The following GNG7 variants were observed in gnomAD, a reference collection of about 807,000 sequenced individuals.
The protein encoded by GNG7 is G protein subunit gamma 7, also known as guanine nucleotide-binding protein G(I)/G(S)/G(O) subunit gamma-7.
A neutral mutation model predicts 4.0 loss-of-function variants in GNG7; 1 was observed. The observed-to-expected ratio is 0.25, with a 90% CI of 0.09 to 1.18. The LOEUF is 1.18. GNG7 is among the 50% of genes most tolerant of loss of function. The pLI is 0.50. For missense variants in GNG7, 86 were observed against 91.9 expected, an observed-to-expected ratio of 0.94 and a Z score of 0.26; for synonymous variants, 34 against 36.9, an observed-to-expected ratio of 0.92 and a Z score of 0.29.
intron 3 of GNG7, among the ~76,000 whole-genome samples, chr19:2,541,706 C>T (rs1401760308): frequency 2.7e-5 from 4 of 150,858 alleles, no homozygotes; most frequent in Non-Finnish European, 5.9e-5. Context: ...CACGCCACTG[C>T]ACTCTAGCCT....
At chr19:2,692,725 C>T (rs1470761265) in intron 1 of GNG7, among the ~76,000 whole-genome samples, 1 of 151,680 alleles carries the variant, frequency 6.6e-6, no homozygotes, top group Non-Finnish European at 1.5e-5. Flanking sequence ...GTGGCTCACA[C>T]CTGTAATTCT....
chr19:2,519,955 G>A (rs928183701), intron 4 of GNG7, among the ~76,000 whole-genome samples: 4 of 152,200 alleles, frequency 2.6e-5, no homozygotes, highest in East Asian at 3.9e-4. Flanking sequence ...CGAGGCAGGC[G>A]GATCACCTGA....
chr19:2,639,164 G>A (rs548395519), intron 2 of GNG7, among the ~76,000 whole-genome samples: 4 of 151,852 alleles, frequency 2.6e-5, no homozygotes, highest in Non-Finnish European at 5.9e-5. Context: ...AACCCGGAAG[G>A]AGGAGGTGGC....
intron 2 of GNG7, among the ~76,000 whole-genome samples, chr19:2,604,589 G>C (rs1466841039): frequency 8.1e-6 from 1 of 122,940 alleles, no homozygotes; most frequent in Non-Finnish European, 1.6e-5. Context: ...AAAAGAGAAA[G>C]TTTTCTGCCC....
chr19:2,559,902 C>T (rs1030217315), intron 2 of GNG7, among the ~76,000 whole-genome samples: 2 of 152,086 alleles, frequency 1.3e-5, no homozygotes, highest in African/African-American at 4.8e-5. Flanking sequence ...CTTTTCTCAC[C>T]TACCAGTTCC....
At chr19:2,564,885 AT>A (rs58891649) in intron 2 of GNG7, among the ~76,000 whole-genome samples, 39,406 of 94,812 alleles carry the variant, frequency 0.42, 6,075 homozygotes, top group Middle Eastern at 0.45. Flanking sequence ...TACATTGGTC[AT>A]TTAAAAAAAA....
chr19:2,515,281 A>G lies in GNG7; in HGVS notation c.82-134T>C, dbSNP rs1972717633. The G allele has an allele frequency of 6.7e-6, 7 of 1,040,780 alleles. No homozygotes were observed. The East Asian group carries it at 1.8e-4, about 26-fold the overall frequency. The allele number at this position is 1,040,780 out of a possible 1,614,324, so 64.5% of individuals were successfully genotyped here. A position where few individuals can be genotyped will look rare whatever the true frequency, so the allele number is the denominator to read the frequency against. ...CCCATTGATGGGGGCGTGGGCAAAC[A>G]GTGCGGCCCGTCCACACGCTGGAAT... On this transcript the variant is annotated intron_variant, in intron 4 of 4. Coordinates refer to ENST00000382159, the MANE Select transcript of GNG7 (RefSeq NM_052847.3).
chr19:2,633,924 C>A lies in GNG7; in HGVS notation c.-78+12300G>T, dbSNP rs1371165154. Among the ~76,000 whole-genome samples, 2 of 152,080 alleles carry A rather than the reference C, an allele frequency of 1.3e-5. No homozygotes were observed. The highest frequency in any genetic ancestry group is 4.8e-5 in the African/African-American group (2 of 41,406). On this transcript the variant is annotated intron_variant, in intron 2 of 4. Coordinates refer to ENST00000382159, the MANE Select transcript of GNG7 (RefSeq NM_052847.3). The surrounding 1 kb of genome is among the most constrained non-coding windows in gnomAD (Gnocchi z 5.9). Reference sequence around the variant, plus strand: ...ACCCCATGGCATCCACCAATCGAGGCAGCCACAAATGTCTCCTGGGTGCAA... The same window carrying A: ...ACCCCATGGCATCCACCAATCGAGGAAGCCACAAATGTCTCCTGGGTGCAA...
chr19:2,531,230 G>A (rs977326673), intron 3 of GNG7, among the ~76,000 whole-genome samples: 1 of 147,802 alleles, frequency 6.8e-6, no homozygotes, highest in Admixed American at 7.0e-5. Flanking sequence ...CTTGAATCCG[G>A]GAGACGGTGG....
chr19:2,627,400 G>T (rs958258811), intron 2 of GNG7, among the ~76,000 whole-genome samples: 1 of 152,142 alleles, frequency 6.6e-6, no homozygotes, highest in Admixed American at 6.5e-5. Flanking sequence ...CCCAGAGTGG[G>T]GCCCCAGCCC....
rs1389612327 is a variant in GNG7 at position 2,686,943 on chromosome 19, G to A, written c.-135+15703C>T. Among the ~76,000 whole-genome samples the A allele has an allele frequency of 4.0e-5, 6 of 151,668 alleles. No homozygotes were observed. The East Asian group carries it at 5.8e-4, about 15-fold the overall frequency. ...ACTTTTTGTATTTTTTAGTAGAGACGGGGTTTCACCGTGTTAGCCAGGATG... is the reference window on the plus strand; with the variant it reads ...ACTTTTTGTATTTTTTAGTAGAGACAGGGTTTCACCGTGTTAGCCAGGATG... On this transcript the variant is annotated intron_variant, in intron 1 of 4. Transcript: ENST00000382159.
At position 2,557,045 on chromosome 19, in the gene GNG7, ACT is replaced by A. The variant is rs201762226; in HGVS notation, c.-77-1859_-77-1858del. 0.029 allele frequency among the ~76,000 whole-genome samples: 4,345 copies of A among 150,080 alleles called. 91 individuals are homozygous for A. Among genetic ancestry groups the A allele is most frequent in the Admixed American group, 0.046 (697 of 15,082 alleles). Reference sequence around the variant, plus strand: ...CACACGCACACACAGACACACGCACACTCACACACATATGCACGCACACAGAC... The same window carrying A: ...CACACGCACACACAGACACACGCACACACACACATATGCACGCACACAGAC... On this transcript the variant is annotated intron_variant, in intron 2 of 4. Transcript: ENST00000382159. This position sits in a 1 kb window ranked among gnomAD's most constrained non-coding sequence, Gnocchi z 5.1.
intron 2 of GNG7, among the ~76,000 whole-genome samples, chr19:2,641,460 G>T (rs921580896): frequency 9.0e-5 from 13 of 144,832 alleles, no homozygotes; most frequent in African/African-American, 3.4e-4. Flanking sequence ...AGGAGGGTGA[G>T]AGTCAAACAG....
At chr19:2,517,339 A>G (rs900242572) in intron 4 of GNG7, among the ~76,000 whole-genome samples, 3 of 151,894 alleles carry the variant, frequency 2.0e-5, no homozygotes, top group Non-Finnish European at 4.4e-5. Flanking sequence ...GTGAGCCACT[A>G]CACCTGGCCA....
intron 2 of GNG7, among the ~76,000 whole-genome samples, chr19:2,619,530 T>C (rs1353783947): frequency 6.6e-6 from 1 of 152,306 alleles, no homozygotes; most frequent in South Asian, 2.1e-4. Flanking sequence ...ACCACTGAAA[T>C]GTCCATTCTG....
At position 2,633,926 on chromosome 19, in the gene GNG7, G is replaced by A. The variant is rs1392888359; in HGVS notation, c.-78+12298C>T. On this transcript the variant is annotated intron_variant, in intron 2 of 4. Coordinates refer to ENST00000382159, the MANE Select transcript of GNG7 (RefSeq NM_052847.3). This position sits in a 1 kb window ranked among gnomAD's most constrained non-coding sequence, Gnocchi z 5.9. ...CCCATGGCATCCACCAATCGAGGCA[G>A]CCACAAATGTCTCCTGGGTGCAAAA... Among the ~76,000 whole-genome samples the A allele has an allele frequency of 6.6e-6, 1 of 151,898 alleles. No homozygotes were observed. Among genetic ancestry groups the A allele is most frequent in the African/African-American group, 2.4e-5 (1 of 41,356 alleles).
chr19:2,652,526 G>A (rs1410706418), intron 1 of GNG7, among the ~76,000 whole-genome samples: 1 of 152,146 alleles, frequency 6.6e-6, no homozygotes, highest in African/African-American at 2.4e-5. Context: ...GGCTGAGGCA[G>A]GAGAATCGCT....
At chr19:2,684,385 TC>T (rs1983819830) in intron 1 of GNG7, among the ~76,000 whole-genome samples, 2 of 151,436 alleles carry the variant, frequency 1.3e-5, no homozygotes, top group African/African-American at 4.8e-5. Context: ...TCCGCCTGCC[TC>T]AGGCTCCCAA....
At chr19:2,688,218 A>C (rs565793815) in intron 1 of GNG7, among the ~76,000 whole-genome samples, 3 of 152,366 alleles carry the variant, frequency 2.0e-5, no homozygotes, top group Non-Finnish European at 4.4e-5. Context: ...GCGCCACTGC[A>C]CTCCAGCCTG....
Sources: allele counts gnomAD v4.1 joint callset (sites outside exome capture counted in the v4.1 genomes callset), GRCh38; gene constraint gnomAD v4.1.1; non-coding constraint Gnocchi (gnomAD v3.1); transcripts MANE v1.5; gene names NCBI Gene and HGNC (gene_info 2026-07-23, HGNC 2026-07-21).